The following PDE1C variants were observed in gnomAD, a reference collection of about 807,000 sequenced individuals.
PDE1C encodes the protein phosphodiesterase 1C.
PDE1C carries 62 observed loss-of-function variants against 93.1 expected under a neutral mutation model. The ratio of observed to expected loss-of-function variants is 0.67; its 90% CI spans 0.54 to 0.82. The LOEUF (loss-of-function observed/expected upper bound fraction) is 0.82. PDE1C is among the 40% of genes least tolerant of loss of function. The pLI, the probability that PDE1C is intolerant of heterozygous loss-of-function variation, is 0.00. For synonymous variants in PDE1C, 325 were observed against 310.1 expected, an observed-to-expected ratio of 1.05 and a Z score of -0.50; for missense variants, 742 against 884.6, an observed-to-expected ratio of 0.84 and a Z score of 2.04.
chr7:32,159,037 C>T (rs1801749927), intron 3 of PDE1C, among the ~76,000 whole-genome samples: 1 of 152,120 alleles, frequency 6.6e-6, no homozygotes, highest in Non-Finnish European at 1.5e-5. Flanking sequence ...CACCATAATC[C>T]AGGGTGATCT....
chr7:31,743,014 C>T, the PDE1C span, among the ~76,000 whole-genome samples: 4 of 152,116 alleles, frequency 2.6e-5, no homozygotes, highest in Non-Finnish European at 5.9e-5. Flanking sequence ...TCTACTATCT[C>T]TCTATTTCCA....
At chr7:31,935,518 C>G (rs774903646) in intron 2 of PDE1C, among the ~76,000 whole-genome samples, 2 of 152,036 alleles carry the variant, frequency 1.3e-5, no homozygotes, top group Admixed American at 6.6e-5. Flanking sequence ...TCCATCAATG[C>G]GAAGGTCAGG....
At chr7:32,214,015 G>A (rs904913451) in intron 1 of PDE1C, among the ~76,000 whole-genome samples, 2 of 151,990 alleles carry the variant, frequency 1.3e-5, no homozygotes, top group Non-Finnish European at 2.9e-5. Flanking sequence ...TTTTATTAGA[G>A]GGTATAAAAC....
intron 16 of PDE1C, chr7:31,790,244 T>G (rs747370291): frequency 3.7e-6 from 6 of 1,612,812 alleles, no homozygotes; most frequent in Non-Finnish European, 5.1e-6. Flanking sequence ...ATGAGGTCTT[T>G]TTTACTCTTG....
chr7:32,313,600 G>T (rs1783102905), intron 1 of PDE1C, among the ~76,000 whole-genome samples: 1 of 152,054 alleles, frequency 6.6e-6, no homozygotes. Flanking sequence ...CATGTCCTTT[G>T]TGGGGACACG....
At chr7:31,778,817 G>C (rs1436442105) in intron 16 of PDE1C, among the ~76,000 whole-genome samples, 1 of 152,132 alleles carries the variant, frequency 6.6e-6, no homozygotes, top group Non-Finnish European at 1.5e-5. Flanking sequence ...TACAGGATTT[G>C]AAGACAATTT....
chr7:32,181,380 C>T (rs1436376774), intron 2 of PDE1C, among the ~76,000 whole-genome samples: 2 of 152,130 alleles, frequency 1.3e-5, no homozygotes, highest in African/African-American at 4.8e-5. Context: ...TATTCCAAAA[C>T]TGACCACATA....
At chr7:32,093,779 C>A (rs542174809) in intron 3 of PDE1C, among the ~76,000 whole-genome samples, 4 of 152,368 alleles carry the variant, frequency 2.6e-5, no homozygotes, top group East Asian at 1.9e-4. Flanking sequence ...CTTTGAGCAG[C>A]TAGCCCAGCT....
At chr7:32,231,305 G>A (rs1228599158) in intron 1 of PDE1C, among the ~76,000 whole-genome samples, 1 of 152,044 alleles carries the variant, frequency 6.6e-6, no homozygotes, top group Non-Finnish European at 1.5e-5. Flanking sequence ...AGGATAGAAT[G>A]CCAACATAAA....
chr7:31,847,721 G>T (rs1022610091), intron 9 of PDE1C: 2 of 422,004 alleles, frequency 4.7e-6, no homozygotes, highest in Non-Finnish European at 8.6e-6. Context: ...AAATAAAGTA[G>T]TTGGAACTTA....
chr7:31,997,706 A>T (rs1053488804), intron 2 of PDE1C, among the ~76,000 whole-genome samples: 28 of 152,164 alleles, frequency 1.8e-4, no homozygotes, highest in Non-Finnish European at 2.1e-4. Context: ...AAGCAGTGGG[A>T]TTACCATTAT....
rs1783945095 is a variant in PDE1C at position 32,350,567 on chromosome 7, TATATATATATATATATATA to T, written c.310+77236_310+77254del. Among the ~76,000 whole-genome samples the T allele has an allele frequency of 3.9e-4, 2 of 5,170 alleles. 1 individual carries two copies. Among genetic ancestry groups the T allele is most frequent in the African/African-American group, 7.0e-4 (2 of 2,838 alleles). The allele number at this position is 5,170 out of a possible 152,430, so 3.4% of individuals were successfully genotyped here. A position where few individuals can be genotyped will look rare whatever the true frequency, so the allele number is the denominator to read the frequency against. On this transcript the variant is annotated intron_variant, in intron 1 of 1. Coordinates refer to the PDE1C transcript ENST00000672256. ...TGACTAATATATATATATATATATA[TATATATATATATATATATA>T]TATATTTTTTTTTTTTTTTTTATTA...
chr7:31,855,120 A>G (rs909369217), intron 7 of PDE1C, among the ~76,000 whole-genome samples: 22 of 150,868 alleles, frequency 1.5e-4, no homozygotes, highest in Non-Finnish European at 1.8e-4. Context: ...CAGTTCTGCC[A>G]GTCAGAAGCC....
chr7:32,215,046 G>A (rs1210210229), intron 1 of PDE1C, among the ~76,000 whole-genome samples: 2 of 152,076 alleles, frequency 1.3e-5, no homozygotes, highest in East Asian at 3.9e-4. Context: ...CAGAATCCCT[G>A]CAAGTGAGGA....
At chr7:31,973,851 G>A (rs1478582012) in intron 2 of PDE1C, among the ~76,000 whole-genome samples, 10 of 152,138 alleles carry the variant, frequency 6.6e-5, no homozygotes, top group Admixed American at 6.5e-4. Context: ...TGTACATATA[G>A]TTTAGTAGTA....
chr7:31,790,315 C>T lies in PDE1C; in HGVS notation c.1892-14583G>A, dbSNP rs141767997. The T allele has an allele frequency of 6.1e-6, 9 of 1,479,104 alleles. No homozygotes were observed. The African/African-American group carries it at 8.3e-5, about 14-fold the overall frequency. 91.6% of individuals were successfully genotyped at this position (1,479,104 alleles called of 1,614,324 possible). On this transcript the variant is annotated intron_variant, in intron 16 of 17. Transcript: ENST00000396191. ...TCAATGCTGCCTTTCCCCCCGCCCACCTCCACCCTCCAAGTCTGAGGAGAA... is the reference window on the plus strand; with the variant it reads ...TCAATGCTGCCTTTCCCCCCGCCCATCTCCACCCTCCAAGTCTGAGGAGAA...
At chr7:31,824,460 C>T (rs916250524) in intron 13 of PDE1C, among the ~76,000 whole-genome samples, 23 of 152,008 alleles carry the variant, frequency 1.5e-4, no homozygotes, top group African/African-American at 4.6e-4. Context: ...TTCAAGCTTT[C>T]GATTCTTTTT....
the PDE1C span, chr7:31,692,452 C>T: frequency 2.5e-6 from 4 of 1,610,196 alleles, no homozygotes; most frequent in Non-Finnish European, 3.4e-6. Context: ...ATGATGTCCA[C>T]TGAGCAAATG....
chr7:32,051,303 G>T (rs1793323908), intron 2 of PDE1C, among the ~76,000 whole-genome samples: 1 of 152,160 alleles, frequency 6.6e-6, no homozygotes, highest in Non-Finnish European at 1.5e-5. Flanking sequence ...TCACTAGACA[G>T]CATGGCAGTA....
Sources: allele counts gnomAD v4.1 joint callset (sites outside exome capture counted in the v4.1 genomes callset), GRCh38; gene constraint gnomAD v4.1.1; transcripts MANE v1.5; gene names NCBI Gene and HGNC (gene_info 2026-07-23, HGNC 2026-07-21).